Variants in NAA15 observed in about 807,000 individuals in gnomAD.
NAA15 encodes the protein N-alpha-acetyltransferase 15, NatA auxiliary subunit.
In NAA15, 34 loss-of-function variants were observed where a neutral mutation model predicts 114.0. The ratio of observed to expected loss-of-function variants is 0.30; its 90% CI spans 0.23 to 0.40. NAA15 has a LOEUF of 0.40. NAA15 is among the 10% of genes least tolerant of loss of function. The pLI, the probability that NAA15 is intolerant of heterozygous loss-of-function variation, is 1.00. For missense variants in NAA15, 658 were observed against 1,004.5 expected (o/e 0.66, Z 4.66); for synonymous variants, 340 against 338.0 (o/e 1.01, Z -0.06).
intron 1 of NAA15, among the ~76,000 whole-genome samples, chr4:139,327,839 A>C (rs1028997745): frequency 1.0e-4 from 15 of 150,182 alleles, no homozygotes; most frequent in African/African-American, 3.4e-4. Context: ...CTAATTTTGT[A>C]TTTTTAGTAG....
chr4:139,310,298 CA>C (rs1004614715), intron 1 of NAA15, among the ~76,000 whole-genome samples: 1 of 150,984 alleles, frequency 6.6e-6, no homozygotes, highest in African/African-American at 2.4e-5. Context: ...ACTAAAAATA[CA>C]AAAAATTAGC....
At chr4:139,323,478 G>A (rs562104205) in intron 1 of NAA15, among the ~76,000 whole-genome samples, 1 of 152,228 alleles carries the variant, frequency 6.6e-6, no homozygotes, top group East Asian at 1.9e-4. Flanking sequence ...ACAGGCGTGA[G>A]CCACCGTGTC....
chr4:139,374,753 C>A (rs1036046482), intron 15 of NAA15, among the ~76,000 whole-genome samples: 1 of 152,078 alleles, frequency 6.6e-6, no homozygotes, highest in African/African-American at 2.4e-5. Context: ...TTTACCCTGA[C>A]AAAGTCTTAC....
Position 139,387,945 on chromosome 4 carries a change from C to T in NAA15, c.2462C>T (p.Ala821Val). 1 of 1,613,958 alleles carries T rather than the reference C, an allele frequency of 6.2e-7. No homozygotes were observed. ...AGCCTAGGAGACTGTAAAGAAGCTG[C>T]TGAAATTTATAGAGCAAATTGTCAT... The part of the protein sequence containing the change: ...DGSLGDCKEA[A>V]EIYRANCHKL... Residue 821 changes from alanine (A) to valine (V), a missense_variant, in exon 20 of 20, where the codon GCT (alanine) becomes GTT (valine). Around this residue, in one of 6 missense-constraint regions of NAA15, gnomAD observed 275 missense variants for 371.1 expected, o/e 0.74. Transcript: ENST00000296543.
chr4:139,303,435 A>G (rs1745882281), intron 1 of NAA15, among the ~76,000 whole-genome samples: 1 of 152,196 alleles, frequency 6.6e-6, no homozygotes, highest in South Asian at 2.1e-4. Flanking sequence ...TTTATTTGCC[A>G]TATATGCTTT....
chr4:139,368,350 G>A (rs1418047973), intron 14 of NAA15, among the ~76,000 whole-genome samples: 1 of 152,152 alleles, frequency 6.6e-6, no homozygotes, highest in Non-Finnish European at 1.5e-5. Flanking sequence ...GCTGAGGCGG[G>A]TGGTTGCTTG....
chr4:139,337,999 T>C (rs1478898472), intron 3 of NAA15, among the ~76,000 whole-genome samples: 1 of 152,248 alleles, frequency 6.6e-6, no homozygotes. Flanking sequence ...TCATTTTTAA[T>C]GATTGTATAG....
At chr4:139,313,604 G>T (rs572664900) in intron 1 of NAA15, among the ~76,000 whole-genome samples, 1 of 149,812 alleles carries the variant, frequency 6.7e-6, no homozygotes, top group Middle Eastern at 3.2e-3. Flanking sequence ...TGTAGTGGCC[G>T]CGTGATCTTG....
At chr4:139,305,974 T>C (rs1745998032) in intron 1 of NAA15, among the ~76,000 whole-genome samples, 1 of 152,250 alleles carries the variant, frequency 6.6e-6, no homozygotes, top group Non-Finnish European at 1.5e-5. Flanking sequence ...TTTCCTTAAA[T>C]TTTTAATGGA....
At chr4:139,347,996 C>T (rs911441743) in intron 6 of NAA15, among the ~76,000 whole-genome samples, 1 of 143,870 alleles carries the variant, frequency 7.0e-6, no homozygotes, top group African/African-American at 2.6e-5. Context: ...TGCGCCACTG[C>T]AGTCCGCAGT....
At chr4:139,355,001 C>T (rs1407020979) in intron 10 of NAA15, among the ~76,000 whole-genome samples, 2 of 152,102 alleles carry the variant, frequency 1.3e-5, no homozygotes, top group Non-Finnish European at 2.9e-5. Context: ...CTCAGCCTCC[C>T]GAGTAGCTGG....
chr4:139,357,752 C>T (rs1015498933), intron 11 of NAA15, among the ~76,000 whole-genome samples, 197 bp downstream of exon 11: 2 of 152,070 alleles, frequency 1.3e-5, no homozygotes, highest in South Asian at 2.1e-4. Context: ...TATCTATATC[C>T]GTATACACAC....
chr4:139,356,321 A>G (rs975210119), intron 10 of NAA15, among the ~76,000 whole-genome samples: 72 of 152,150 alleles, frequency 4.7e-4, no homozygotes, highest in Admixed American at 3.6e-3. Context: ...TCTGGAATCA[A>G]TTGTTTTTCC....
At chr4:139,343,736 G>A (rs906461020) in intron 5 of NAA15, among the ~76,000 whole-genome samples, 6 of 152,188 alleles carry the variant, frequency 3.9e-5, no homozygotes, top group Non-Finnish European at 2.9e-5. Context: ...AGTTGTAAAC[G>A]TATTTTTCTC....
chr4:139,320,764 G>A (rs981811650), intron 1 of NAA15, among the ~76,000 whole-genome samples: 12 of 152,074 alleles, frequency 7.9e-5, no homozygotes, highest in African/African-American at 2.4e-4. Flanking sequence ...CAGGTGATCC[G>A]CCCACCTCGG....
In NAA15 at chr4:139,336,955, A is replaced by G. The variant is rs1333414764; in HGVS notation, c.244+3A>G. On this transcript the variant is annotated splice_donor_region_variant and intron_variant, in intron 3 of 19. Transcript: ENST00000296543. ...AAATGACTTGAAGAGTCATGTGTGT[A>G]TCCTTTTTGAGATATATTTAAGGTT... is the stretch of plus-strand genomic sequence containing the variant. The G allele has an allele frequency of 6.4e-7, 1 of 1,561,866 alleles. No homozygotes were observed.
At chr4:139,353,824 T>A (rs1747857453) in intron 9 of NAA15, among the ~76,000 whole-genome samples, 1 of 152,222 alleles carries the variant, frequency 6.6e-6, no homozygotes, top group Non-Finnish European at 1.5e-5. Context: ...TAAGTTTTTA[T>A]AAAATTACAT....
intron 17 of NAA15, among the ~76,000 whole-genome samples, chr4:139,383,883 T>G (rs1474973358): frequency 1.3e-5 from 2 of 152,232 alleles, no homozygotes; most frequent in Non-Finnish European, 2.9e-5. Flanking sequence ...TGTTTTCTTT[T>G]GTTTTTAATT....
chr4:139,304,221 T>A (rs1745928626), intron 1 of NAA15, among the ~76,000 whole-genome samples: 1 of 152,262 alleles, frequency 6.6e-6, no homozygotes, highest in Admixed American at 6.5e-5. Context: ...CCCGGCCAAG[T>A]GTTAGCACTT....
Sources: gnomAD v4.1 joint callset for allele counts (sites outside exome capture counted in the v4.1 genomes callset) on GRCh38, gnomAD v4.1.1 for gene constraint, gnomAD v4.1.1 regional missense constraint, MANE v1.5 for transcripts, NCBI Gene and HGNC (gene_info 2026-07-23, HGNC 2026-07-21) for gene names.